The following ZNF628 variants were observed in gnomAD, a reference collection of about 807,000 sequenced individuals.
ZNF628 encodes the protein zinc finger protein 628, also known as zinc finger protein Zec.
ZNF628 carries 3 observed loss-of-function variants against 2.5 expected under a neutral mutation model. That is an observed-to-expected ratio of 1.19 (90% CI 0.54 to 3.07). The LOEUF (loss-of-function observed/expected upper bound fraction) is 3.07. ZNF628 is among the 30% of genes most tolerant of loss of function. ZNF628 has a pLI of 0.03. For missense variants in ZNF628, 1,610 were observed against 1,517.1 expected (o/e 1.06, Z -1.02); for synonymous variants, 861 against 717.1 (o/e 1.20, Z -3.21).
chr19:55,479,540 C>T lies in ZNF628; in HGVS notation c.-77-294C>T, dbSNP rs548216066. ...CACAGTCCACGGGCACTGGGTCAGG[C>T]CTGTGGGGAAGGATTGCGCAGGGTT... is the stretch of plus-strand genomic sequence containing the variant. On this transcript the variant is annotated intron_variant, in intron 1 of 2. Transcript: ENST00000598519. The surrounding 1 kb of genome is among the most constrained non-coding windows in gnomAD (Gnocchi z 5.1). Among the ~76,000 whole-genome samples, 95 of 152,178 alleles carry T rather than the reference C, an allele frequency of 6.2e-4. No individual in the cohort carries two copies. The highest frequency in any genetic ancestry group is 1.6e-3 in the Admixed American group (25 of 15,288).
chr19:55,482,158 C>G lies in ZNF628; in HGVS notation c.965C>G (p.Ala322Gly). Reference sequence around the variant, plus strand: ...CAGCCGTGCCCCGGGCCCGATGCGGCGCCCCAGCCCCAGGAGGCACCCGCC... The same window carrying G: ...CAGCCGTGCCCCGGGCCCGATGCGGGGCCCCAGCCCCAGGAGGCACCCGCC... The part of the protein sequence containing the change: ...EHQPCPGPDA[A>G]PQPQEAPAEA... The change falls in exon 3 of 3, where the codon GCG (alanine) becomes GGG (glycine). Residue 322 changes from alanine to glycine, a missense_variant. Around this residue, in one of 5 missense-constraint regions of ZNF628, gnomAD observed 651 missense variants for 575.6 expected, o/e 1.13. Coordinates refer to ENST00000598519, the MANE Select transcript of ZNF628 (RefSeq NM_033113.3). 1 of 1,497,848 alleles carries G rather than the reference C, an allele frequency of 6.7e-7. No individual in the cohort carries two copies. Among genetic ancestry groups the G allele is most frequent in the Non-Finnish European group, 8.9e-7 (1 of 1,127,866 alleles). 92.8% of individuals were successfully genotyped at this position (1,497,848 alleles called of 1,614,324 possible).
intron 2 of ZNF628, among the ~76,000 whole-genome samples, chr19:55,480,347 G>A (rs1218816785): frequency 2.0e-5 from 3 of 149,976 alleles, no homozygotes; most frequent in Non-Finnish European, 4.4e-5. Flanking sequence ...CCAGGCTCAA[G>A]TGATTCTCCT....
Position 55,481,199 on chromosome 19 carries a change from A to G in ZNF628, c.8-2A>G. 1 of 1,534,074 alleles carries G rather than the reference A, an allele frequency of 6.5e-7. No individual in the cohort carries two copies. The highest frequency in any genetic ancestry group is 8.7e-7 in the Non-Finnish European group (1 of 1,143,320). ...GCCGCTGACCCAGAATCCCTCCCCC[A>G]GGTGTGATGGTCGGCTCCCACGCGG... On this transcript the variant is annotated splice_acceptor_variant, in intron 2 of 2. Transcript: ENST00000598519. LOFTEE classifies it high-confidence loss of function.
Position 55,479,116 on chromosome 19 carries a change from C to T in ZNF628, c.-77-718C>T, listed in dbSNP as rs977857981. ...AGAGGACAAAGTGGTGCCGGAGCCC[C>T]GGGCGCTCCCACATCTAGAGGTCAG... On this transcript the variant is annotated intron_variant, in intron 1 of 2. Coordinates refer to ENST00000598519, the MANE Select transcript of ZNF628 (RefSeq NM_033113.3). This position sits in a 1 kb window ranked among gnomAD's most constrained non-coding sequence, Gnocchi z 5.1. Among the ~76,000 whole-genome samples the T allele has an allele frequency of 3.3e-5, 5 of 152,042 alleles. No homozygotes were observed. The highest frequency in any genetic ancestry group is 5.9e-5 in the Non-Finnish European group (4 of 68,016).
intron 1 of ZNF628, among the ~76,000 whole-genome samples, chr19:55,478,957 A>G (rs1986632276): frequency 6.6e-6 from 1 of 152,174 alleles, no homozygotes; most frequent in African/African-American, 2.4e-5. Flanking sequence ...CTAATGAGGC[A>G]TCCAGGTGGA....
chr19:55,482,983 C>A lies in ZNF628; in HGVS notation c.1790C>A (p.Pro597Gln), dbSNP rs149796895. ...ACGGGCGAGCGGCCCTTCCGCTGCC[C>A]GCTCTGCCCCAAGACCTTCACCCAC... Reference protein sequence around the residue: ...VHTGERPFRCPLCPKTFTHSS... With the variant: ...VHTGERPFRCQLCPKTFTHSS... Residue 597 changes from proline (P) to glutamine (Q), a missense_variant, in exon 3 of 3, where the codon CCG becomes CAG. By Grantham distance (76) the Pro-to-Gln change is moderately conservative. Transcript: ENST00000598519. 3.1e-6 allele frequency: 5 copies of A among 1,611,520 alleles called. No individual in the cohort carries two copies. Among genetic ancestry groups the A allele is most frequent in the Non-Finnish European group, 4.2e-6 (5 of 1,179,352 alleles).
Position 55,484,435 on chromosome 19 carries a change from G to A in ZNF628, c.*62G>A, listed in dbSNP as rs992647100. On this transcript the variant is annotated 3_prime_UTR_variant, in exon 3 of 3. Transcript: ENST00000598519. ...ACCCCGACTCACTGCCAGCCGGGGCGGGGCAGGGTGCCGCAGGCTGGGCTT... is the reference window on the plus strand; with the variant it reads ...ACCCCGACTCACTGCCAGCCGGGGCAGGGCAGGGTGCCGCAGGCTGGGCTT... 4 of 1,372,098 alleles carry A rather than the reference G, an allele frequency of 2.9e-6. No individual in the cohort carries two copies. In the African/African-American group the frequency reaches 4.4e-5, roughly 15 times the overall value. 85.0% of individuals were successfully genotyped at this position (1,372,098 alleles called of 1,614,324 possible). A position where few individuals can be genotyped will look rare whatever the true frequency, so the allele number is the denominator to read the frequency against.
Position 55,479,879 on chromosome 19 carries a change from A to G in ZNF628, c.-32A>G, listed in dbSNP as rs1986655890. 1 of 401,462 alleles carries G rather than the reference A, an allele frequency of 2.5e-6. No homozygotes were observed. The highest frequency in any genetic ancestry group is 3.5e-5 in the East Asian group (1 of 28,428). The allele number at this position is 401,462 out of a possible 1,614,324, so 24.9% of individuals were successfully genotyped here. ...TTGCCTGCCAAGAACAGGAGGGGAG[A>G]GGAGGGGCTGGAGGTTTCAGGAGAA... On this transcript the variant is annotated 5_prime_UTR_variant, in exon 2 of 3. Coordinates refer to ENST00000598519, the MANE Select transcript of ZNF628 (RefSeq NM_033113.3). The surrounding 1 kb of genome is among the most constrained non-coding windows in gnomAD (Gnocchi z 5.1).
intron 1 of ZNF628, among the ~76,000 whole-genome samples, chr19:55,478,091 T>C (rs554130497): frequency 9.9e-5 from 15 of 151,980 alleles, no homozygotes; most frequent in African/African-American, 3.4e-4. Flanking sequence ...GAGGGCTTCA[T>C]AGGCCAATGT....
Position 55,483,310 on chromosome 19 carries a change from C to T in ZNF628, c.2117C>T (p.Ala706Val), listed in dbSNP as rs1216639498. 3.3e-6 allele frequency: 5 copies of T among 1,527,666 alleles called. No homozygotes were observed. In the South Asian group the frequency reaches 3.7e-5, roughly 11 times the overall value. 94.6% of individuals were successfully genotyped at this position (1,527,666 alleles called of 1,614,324 possible). A position where few individuals can be genotyped will look rare whatever the true frequency, so the allele number is the denominator to read the frequency against. ...TAQAPSLGPA[A>V]PNSQTFLLVQ... ...CAGGCCCCGAGCTTGGGGCCAGCAG[C>T]GCCCAACTCTCAGACGTTCCTCCTG... Residue 706 changes from alanine to valine, a missense_variant, in exon 3 of 3, where the codon GCG becomes GTG. Ala to Val is a moderately conservative substitution (Grantham distance 64, BLOSUM62 0). Transcript: ENST00000598519.
chr19:55,478,270 G>A (rs1472999003), intron 1 of ZNF628, among the ~76,000 whole-genome samples: 1 of 152,132 alleles, frequency 6.6e-6, no homozygotes, highest in Non-Finnish European at 1.5e-5. Context: ...AAATAAGGCA[G>A]GAAAAGGGAA....
intron 1 of ZNF628, among the ~76,000 whole-genome samples, chr19:55,477,123 G>T (rs929626902): frequency 2.0e-5 from 3 of 152,216 alleles, no homozygotes; most frequent in Non-Finnish European, 4.4e-5. Context: ...CTGAGTCCTG[G>T]TTGCTTCAAA....
chr19:55,483,224 T>C lies in ZNF628; in HGVS notation c.2031T>C (p.Asp677=), dbSNP rs537391720. ...CGCGGGCCCCGCCAGCCACCCAAGATGTCCACGTCCTGCCCCACCTCCAGG... is the reference window on the plus strand; with the variant it reads ...CGCGGGCCCCGCCAGCCACCCAAGACGTCCACGTCCTGCCCCACCTCCAGG... ...AAARAPPATQ[D]VHVLPHLQAT... Residue 677 remains aspartate (D), a synonymous_variant, in exon 3 of 3, where the codon GAT becomes GAC. Coordinates refer to ENST00000598519, the MANE Select transcript of ZNF628 (RefSeq NM_033113.3). 7.1e-6 allele frequency: 11 copies of C among 1,540,672 alleles called. No individual in the cohort carries two copies. In the South Asian group the frequency reaches 1.3e-4, roughly 18 times the overall value.
Position 55,482,698 on chromosome 19 carries a change from G to A in ZNF628, c.1505G>A (p.Arg502Gln), listed in dbSNP as rs777692931. The change falls in exon 3 of 3, where the codon CGG (arginine) becomes CAG (glutamine). Residue 502 changes from arginine to glutamine, a missense_variant. Coordinates refer to ENST00000598519, the MANE Select transcript of ZNF628 (RefSeq NM_033113.3). ...TCCTCCCTGCTGGCCATCCACCAGCGGGTGCACACGGGCCTGCGGGCCTTC... is the reference window on the plus strand; with the variant it reads ...TCCTCCCTGCTGGCCATCCACCAGCAGGTGCACACGGGCCTGCGGGCCTTC... The part of the protein sequence containing the change: ...KRSSLLAIHQ[R>Q]VHTGLRAFTC... 2.5e-6 allele frequency: 4 copies of A among 1,612,610 alleles called. No homozygotes were observed. Among genetic ancestry groups the A allele is most frequent in the South Asian group, 1.1e-5 (1 of 91,046 alleles).
At position 55,484,230 on chromosome 19, in the gene ZNF628, G is replaced by A; in HGVS notation, c.3037G>A (p.Ala1013Thr). The A allele has an allele frequency of 1.3e-6, 2 of 1,548,752 alleles. No individual in the cohort carries two copies. Among genetic ancestry groups the A allele is most frequent in the Non-Finnish European group, 8.7e-7 (1 of 1,146,482 alleles). The change falls in exon 3 of 3, where the codon GCG becomes ACG. Residue 1013 changes from alanine to threonine, a missense_variant. This residue lies in a region of ZNF628 where 712 missense variants were observed against 603.6 expected (regional missense o/e 1.18). Transcript: ENST00000598519. ...PPPSGPASGPAGLPGAPASQM... is the reference protein window; with the variant it reads ...PPPSGPASGPTGLPGAPASQM... ...GCCGTCAGGCCCAGCCTCGGGCCCC[G>A]CGGGGCTCCCCGGGGCTCCAGCCTC... is the stretch of plus-strand genomic sequence containing the variant.
chr19:55,484,141 C>T lies in ZNF628; in HGVS notation c.2948C>T (p.Thr983Ile). Reference sequence around the variant, plus strand: ...CTCATCATCCGCAGCGCCCCAGCCACTGAGCTGCTGGACAGCAGCAACACT... The same window carrying T: ...CTCATCATCCGCAGCGCCCCAGCCATTGAGCTGCTGGACAGCAGCAACACT... ...KLLIIRSAPA[T>I]ELLDSSNTGG... The change falls in exon 3 of 3, where the codon ACT becomes ATT. Residue 983 changes from threonine to isoleucine, a missense_variant. Physicochemically the swap from Thr to Ile is moderately conservative, Grantham distance 89. Around this residue, in one of 5 missense-constraint regions of ZNF628, gnomAD observed 712 missense variants for 603.6 expected, o/e 1.18. Coordinates refer to ENST00000598519, the MANE Select transcript of ZNF628 (RefSeq NM_033113.3). The T allele has an allele frequency of 1.3e-6, 2 of 1,585,764 alleles. No homozygotes were observed. The highest frequency in any genetic ancestry group is 8.6e-7 in the Non-Finnish European group (1 of 1,167,900).
chr19:55,483,828 G>A lies in ZNF628; in HGVS notation c.2635G>A (p.Gly879Arg). ...GGCCGGCCAGCTCTCCAATTCCAGT[G>A]GGGGAGCTGTGGCTACTGAGGCACC... ...PVAGQLSNSS[G>R]GAVATEAPNL... Residue 879 changes from glycine (G) to arginine (R), a missense_variant, in exon 3 of 3, where the codon GGG becomes AGG. Gly to Arg is a moderately radical substitution (Grantham distance 125, BLOSUM62 -2). Transcript: ENST00000598519. 1 of 1,613,526 alleles carries A rather than the reference G, an allele frequency of 6.2e-7. No individual in the cohort carries two copies. Among genetic ancestry groups the A allele is most frequent in the East Asian group, 2.2e-5 (1 of 44,862 alleles).
At chr19:55,478,230 C>G (rs1051270931) in intron 1 of ZNF628, among the ~76,000 whole-genome samples, 6 of 152,042 alleles carry the variant, frequency 3.9e-5, no homozygotes, top group African/African-American at 1.2e-4. Context: ...AATCCTGGTA[C>G]ATTAGAAGGT....
In ZNF628 at chr19:55,483,609, G is replaced by A; in HGVS notation, c.2416G>A (p.Gly806Arg). 1 of 1,613,344 alleles carries A rather than the reference G, an allele frequency of 6.2e-7. No homozygotes were observed. The highest frequency in any genetic ancestry group is 8.5e-7 in the Non-Finnish European group (1 of 1,179,734). The change falls in exon 3 of 3, where the codon GGG (glycine) becomes AGG (arginine). Residue 806 changes from glycine (G) to arginine (R), a missense_variant. This residue lies in a region of ZNF628 where 712 missense variants were observed against 603.6 expected (regional missense o/e 1.18). Coordinates refer to ENST00000598519, the MANE Select transcript of ZNF628 (RefSeq NM_033113.3). ...GQSLIVLQNV[G>R]GGEAGPQEMS... Reference sequence around the variant, plus strand: ...GAGCCTCATCGTTCTGCAGAATGTGGGGGGTGGGGAGGCAGGGCCACAGGA... The same window carrying A: ...GAGCCTCATCGTTCTGCAGAATGTGAGGGGTGGGGAGGCAGGGCCACAGGA...
Sources: gnomAD v4.1 joint callset for allele counts (sites outside exome capture counted in the v4.1 genomes callset) on GRCh38, gnomAD v4.1.1 for gene constraint, gnomAD v4.1.1 regional missense constraint, Gnocchi (gnomAD v3.1) non-coding constraint, MANE v1.5 for transcripts, NCBI Gene and HGNC (gene_info 2026-07-23, HGNC 2026-07-21) for gene names.